Variants in CACNA1C observed in about 807,000 individuals in gnomAD.
CACNA1C encodes the protein voltage-dependent L-type calcium channel subunit alpha-1C.
In CACNA1C, 30 loss-of-function variants were observed where a neutral mutation model predicts 229.0. That is an observed-to-expected ratio of 0.13 (90% CI 0.10 to 0.18). The LOEUF is 0.18. Among genes scored for constraint, CACNA1C ranks in the 10% least tolerant of loss-of-function variants. The pLI, the probability that CACNA1C is intolerant of heterozygous loss-of-function variation, is 1.00. For synonymous variants in CACNA1C, 1,114 were observed against 1,132.5 expected (o/e 0.98, Z 0.33); for missense variants, 1,658 against 2,845.0 (o/e 0.58, Z 9.49).
chr12:2,149,643 C>T (rs2095049800), intron 3 of CACNA1C, among the ~76,000 whole-genome samples: 1 of 152,128 alleles, frequency 6.6e-6, no homozygotes, highest in African/African-American at 2.4e-5. Context: ...TTGGGACTTC[C>T]CTTGAGTAAG....
At chr12:2,089,895 G>A (rs1272821340) in intron 1 of CACNA1C, among the ~76,000 whole-genome samples, 1 of 152,058 alleles carries the variant, frequency 6.6e-6, no homozygotes, top group Non-Finnish European at 1.5e-5. Context: ...CGGGCGTGGT[G>A]GCAGGCGCCT....
At chr12:2,098,663 A>T (rs2075252245) in intron 1 of CACNA1C, among the ~76,000 whole-genome samples, 1 of 152,174 alleles carries the variant, frequency 6.6e-6, no homozygotes, top group South Asian at 2.1e-4. Context: ...GGATATAGCG[A>T]TTGTTTTTAA....
chr12:2,649,672 G>A lies in CACNA1C; in HGVS notation c.3945+1165G>A, dbSNP rs925032653. Among the ~76,000 whole-genome samples, 4 of 140,996 alleles carry A rather than the reference G, an allele frequency of 2.8e-5. No individual in the cohort carries two copies. The highest frequency in any genetic ancestry group is 6.8e-5 in the Admixed American group (1 of 14,610). The allele number at this position is 140,996 out of a possible 152,430, so 92.5% of individuals were successfully genotyped here. A position where few individuals can be genotyped will look rare whatever the true frequency, so the allele number is the denominator to read the frequency against. On this transcript the variant is annotated intron_variant, in intron 31 of 46. Transcript: ENST00000399655. This position sits in a 1 kb window ranked among gnomAD's most constrained non-coding sequence, Gnocchi z 4.4. ...TCACGCTGCAAGCTTGGTGTTTGGC[G>A]TTTTTTGGGTTTTTTTGTTTGTTTA...
chr12:2,628,813 A>G (rs1277149265), intron 29 of CACNA1C, among the ~76,000 whole-genome samples: 2 of 152,164 alleles, frequency 1.3e-5, no homozygotes, highest in Non-Finnish European at 2.9e-5. Context: ...ACAGTGAGCT[A>G]TGATCACACC....
chr12:2,607,418 T>C (rs565576396), intron 26 of CACNA1C: 7 of 337,964 alleles, frequency 2.1e-5, no homozygotes, highest in Non-Finnish European at 3.8e-5. Flanking sequence ...TCTCTGTCAT[T>C]ACCCTTATGG....
chr12:2,077,280 T>C (rs188678036), intron 1 of CACNA1C, among the ~76,000 whole-genome samples: 37 of 152,368 alleles, frequency 2.4e-4, no homozygotes, highest in African/African-American at 6.5e-4. Flanking sequence ...TGCAATTGAT[T>C]GCACATCTCT....
chr12:2,074,213 T>A (rs1391875334), intron 1 of CACNA1C, among the ~76,000 whole-genome samples: 1 of 152,228 alleles, frequency 6.6e-6, no homozygotes, highest in African/African-American at 2.4e-5. Flanking sequence ...TCTTCCCTTT[T>A]TATTCAGCTA....
At chr12:1,978,872 TTTC>T (rs2035234414) in intron 1 of CACNA1C, among the ~76,000 whole-genome samples, 1 of 152,268 alleles carries the variant, frequency 6.6e-6, no homozygotes, top group South Asian at 2.1e-4. Context: ...CAGTAGTTCA[TTTC>T]TTCTTATCGC....
intron 1 of CACNA1C, among the ~76,000 whole-genome samples, chr12:2,070,617 A>G (rs985086701): frequency 6.6e-6 from 1 of 152,140 alleles, no homozygotes; most frequent in Non-Finnish European, 1.5e-5. Context: ...TCTGGATTCT[A>G]TTGTTGCTGA....
chr12:2,126,147 C>T (rs2089949240), intron 3 of CACNA1C, among the ~76,000 whole-genome samples: 1 of 152,088 alleles, frequency 6.6e-6, no homozygotes, highest in Admixed American at 6.5e-5. Flanking sequence ...ATCTCTCTCT[C>T]ATTATTTAAA....
intron 18 of CACNA1C, among the ~76,000 whole-genome samples, chr12:2,589,697 C>G (rs1469582568): frequency 6.9e-6 from 1 of 145,798 alleles, no homozygotes; most frequent in African/African-American, 2.4e-5. Context: ...CAGAGATTCC[C>G]TCTGAGCGGT....
chr12:2,489,771 C>G (rs1421928044), intron 6 of CACNA1C, among the ~76,000 whole-genome samples: 1 of 152,246 alleles, frequency 6.6e-6, no homozygotes, highest in Non-Finnish European at 1.5e-5. Context: ...GCGTTTCTAA[C>G]TCTCTCCTAA....
intron 3 of CACNA1C, among the ~76,000 whole-genome samples, chr12:2,350,775 C>T (rs543136676): frequency 6.6e-6 from 1 of 152,336 alleles, no homozygotes; most frequent in East Asian, 1.9e-4. Context: ...TGCCCCCTTT[C>T]GCAGGCACCT....
chr12:2,476,974 C>T (rs981870066), intron 5 of CACNA1C, among the ~76,000 whole-genome samples: 10 of 152,344 alleles, frequency 6.6e-5, no homozygotes, highest in East Asian at 1.9e-4. Flanking sequence ...GCATTAGTCA[C>T]TTTTGAAGCT....
chr12:2,107,647 T>C (rs1245845070), intron 1 of CACNA1C, among the ~76,000 whole-genome samples: 2 of 152,276 alleles, frequency 1.3e-5, no homozygotes, highest in Non-Finnish European at 2.9e-5. Flanking sequence ...GATGAAAATA[T>C]TAGACACTGA....
intron 3 of CACNA1C, among the ~76,000 whole-genome samples, chr12:2,265,752 T>A (rs978381584): frequency 6.6e-6 from 1 of 152,202 alleles, no homozygotes; most frequent in Non-Finnish European, 1.5e-5. Context: ...GCTCCACCCC[T>A]TCCTTTCTGT....
Position 2,620,132 on chromosome 12 carries a change from C to T in CACNA1C, c.3828+8119C>T, listed in dbSNP as rs144577508. ...GCCTTATCTCATTCAATCCATAAGA[C>T]GAATATTATGGCCTCCCATTTTACA... On this transcript the variant is annotated intron_variant, in intron 29 of 46. Coordinates refer to ENST00000399655, the MANE Select transcript of CACNA1C (RefSeq NM_000719.7). Among the ~76,000 whole-genome samples, 9 of 152,238 alleles carry T rather than the reference C, an allele frequency of 5.9e-5. No individual in the cohort carries two copies. In the East Asian group the frequency reaches 9.7e-4, roughly 16 times the overall value.
At chr12:2,584,438 C>G in intron 15 of CACNA1C, 65 bp from the exon 16 acceptor site, 1 of 1,138,752 alleles carries the variant, frequency 8.8e-7, no homozygotes, top group Non-Finnish European at 1.3e-6. Context: ...CCACATCCCC[C>G]GTGCCCCTGT....
intron 3 of CACNA1C, among the ~76,000 whole-genome samples, chr12:2,306,128 T>A (rs2154479036): frequency 6.6e-6 from 1 of 152,322 alleles, no homozygotes; most frequent in African/African-American, 2.4e-5. Context: ...ATGCCTCTCC[T>A]CTGAGGGGAG....
Sources: allele counts gnomAD v4.1 joint callset (sites outside exome capture counted in the v4.1 genomes callset), GRCh38; gene constraint gnomAD v4.1.1; non-coding constraint Gnocchi (gnomAD v3.1); transcripts MANE v1.5; gene names NCBI Gene and HGNC (gene_info 2026-07-23, HGNC 2026-07-21).